The following ATRNL1 variants were observed in gnomAD, a reference collection of about 807,000 sequenced individuals.
ATRNL1 encodes the protein attractin-like protein 1.
Under a neutral mutation model 182.7 loss-of-function variants are expected in ATRNL1, and 95 were observed. The ratio of observed to expected loss-of-function variants is 0.52; its 90% confidence interval spans 0.44 to 0.62. The LOEUF (loss-of-function observed/expected upper bound fraction) is 0.62. Ranked by LOEUF, ATRNL1 falls within the 20% of genes least tolerant of loss-of-function variation. The probability of loss-of-function intolerance (pLI) is 0.00; values close to 1 mark genes in which losing one functional copy is unlikely to be tolerated. For missense variants in ATRNL1, 1,471 were observed against 1,679.5 expected (o/e 0.88, Z 2.17); for synonymous variants, 576 against 568.3 (o/e 1.01, Z -0.19).
intron 27 of ATRNL1, among the ~76,000 whole-genome samples, chr10:115,754,382 TC>T (rs1948529081): frequency 1.3e-5 from 2 of 152,212 alleles, no homozygotes; most frequent in African/African-American, 4.8e-5. Flanking sequence ...GTTTCAGCTT[TC>T]TGCATATGGC....
chr10:115,131,978 C>T (rs373410674), intron 5 of ATRNL1, among the ~76,000 whole-genome samples: 12 of 151,950 alleles, frequency 7.9e-5, no homozygotes, highest in Non-Finnish European at 1.2e-4. Flanking sequence ...ATGTGCACAA[C>T]GTGCAGGTTT....
At chr10:115,569,798 G>A (rs1327703481) in intron 26 of ATRNL1, among the ~76,000 whole-genome samples, 1 of 147,090 alleles carries the variant, frequency 6.8e-6, no homozygotes, top group Non-Finnish European at 1.5e-5. Context: ...TTTTAACAAT[G>A]TATTACTCTG....
intron 27 of ATRNL1, among the ~76,000 whole-genome samples, chr10:115,773,948 A>G (rs1949057068): frequency 6.6e-6 from 1 of 152,130 alleles, no homozygotes; most frequent in South Asian, 2.1e-4. Context: ...GAGGTTACAC[A>G]TTATCATTTC....
chr10:115,797,694 T>A (rs1555083330), intron 27 of ATRNL1, among the ~76,000 whole-genome samples: 1 of 152,102 alleles, frequency 6.6e-6, no homozygotes. Context: ...AAAGTGGGGT[T>A]TGGAGTACTC....
At chr10:115,727,744 G>A (rs1218781439) in intron 27 of ATRNL1, among the ~76,000 whole-genome samples, 4 of 152,160 alleles carry the variant, frequency 2.6e-5, no homozygotes, top group Non-Finnish European at 5.9e-5. Flanking sequence ...GAAAAGGTAC[G>A]AGTGGAGATG....
chr10:115,246,998 C>A (rs1850673503), intron 10 of ATRNL1, among the ~76,000 whole-genome samples: 1 of 152,112 alleles, frequency 6.6e-6, no homozygotes, highest in Admixed American at 6.6e-5. Flanking sequence ...AGTTGACATT[C>A]ATTTGCAGCA....
At chr10:115,417,899 C>T (rs781815862) in intron 20 of ATRNL1, among the ~76,000 whole-genome samples, 7 of 152,180 alleles carry the variant, frequency 4.6e-5, no homozygotes, top group Non-Finnish European at 1.0e-4. Flanking sequence ...GAGAACACAA[C>T]AGTCAGTCCC....
chr10:115,916,604 T>C (rs1025944248), intron 28 of ATRNL1, among the ~76,000 whole-genome samples: 2 of 152,248 alleles, frequency 1.3e-5, no homozygotes, highest in Non-Finnish European at 2.9e-5. Context: ...GCACATCCTA[T>C]TTTTGTACTC....
intron 27 of ATRNL1, among the ~76,000 whole-genome samples, chr10:115,800,232 A>G (rs999675339): frequency 1.2e-4 from 19 of 152,142 alleles, no homozygotes; most frequent in East Asian, 1.2e-3. Flanking sequence ...AAAAAAAAAA[A>G]AAGAAGAAGA....
intron 26 of ATRNL1, among the ~76,000 whole-genome samples, chr10:115,711,569 A>G (rs755246389): frequency 5.9e-5 from 9 of 152,186 alleles, no homozygotes; most frequent in Non-Finnish European, 1.2e-4. Flanking sequence ...CCTGTGGTCA[A>G]CTATGTGAGG....
At chr10:115,154,376 T>G (rs1156511343) in intron 5 of ATRNL1, among the ~76,000 whole-genome samples, 3 of 152,146 alleles carry the variant, frequency 2.0e-5, no homozygotes, top group Non-Finnish European at 4.4e-5. Context: ...AGGACATGCT[T>G]TATGAATCTG....
intron 26 of ATRNL1, among the ~76,000 whole-genome samples, chr10:115,554,644 G>T (rs1554996569): frequency 1.3e-5 from 2 of 151,396 alleles, no homozygotes. Flanking sequence ...CACGTGCAAA[G>T]TTCTTAGGGG....
chr10:115,694,516 A>G (rs1344314723), intron 26 of ATRNL1, among the ~76,000 whole-genome samples: 1 of 151,284 alleles, frequency 6.6e-6, no homozygotes, highest in Non-Finnish European at 1.5e-5. Flanking sequence ...TATGCAAAGC[A>G]TGACTTTTGA....
chr10:115,340,684 T>C lies in ATRNL1; in HGVS notation c.3175+6265T>C, dbSNP rs191163941. The stretch of plus-strand genomic sequence containing the variant: ...GGCTTTTCTTTATTGGGAAACTTTT[T>C]ATTATACCTTCAATAACATTACTTG... On this transcript the variant is annotated intron_variant, in intron 19 of 28. Transcript: ENST00000355044. 3.3e-5 allele frequency among the ~76,000 whole-genome samples: 5 copies of C among 151,950 alleles called. No individual in the cohort carries two copies. In the East Asian group the frequency reaches 9.7e-4, roughly 29 times the overall value.
chr10:115,209,673 T>C (rs979568750), intron 8 of ATRNL1, among the ~76,000 whole-genome samples: 8 of 151,674 alleles, frequency 5.3e-5, no homozygotes, highest in South Asian at 2.1e-4. Flanking sequence ...CACTACCAAA[T>C]TGAAAAAAAA....
chr10:115,106,232 C>T (rs1461062338), intron 1 of ATRNL1, among the ~76,000 whole-genome samples: 1 of 152,168 alleles, frequency 6.6e-6, no homozygotes, highest in Non-Finnish European at 1.5e-5. Context: ...TTCGGACTTG[C>T]ATAGGCCCTG....
intron 28 of ATRNL1, among the ~76,000 whole-genome samples, chr10:115,856,150 C>T (rs1248823062): frequency 6.6e-6 from 1 of 151,902 alleles, no homozygotes; most frequent in Non-Finnish European, 1.5e-5. Context: ...TTTGGAAGAC[C>T]AGGCACGGTA....
At chr10:115,489,326 G>A (rs2134648135) in intron 24 of ATRNL1, among the ~76,000 whole-genome samples, 1 of 152,274 alleles carries the variant, frequency 6.6e-6, no homozygotes, top group Admixed American at 6.5e-5. Flanking sequence ...ACAGTGGGGT[G>A]TTAAAGTCTC....
intron 24 of ATRNL1, among the ~76,000 whole-genome samples, chr10:115,508,592 T>C (rs564014318): frequency 6.6e-6 from 1 of 152,146 alleles, no homozygotes; most frequent in East Asian, 1.9e-4. Context: ...GCCTTTTTAA[T>C]GATATGGAGA....
Sources: gnomAD v4.1 joint callset for allele counts (sites outside exome capture counted in the v4.1 genomes callset) on GRCh38, gnomAD v4.1.1 for gene constraint, MANE v1.5 for transcripts, NCBI Gene and HGNC (gene_info 2026-07-23, HGNC 2026-07-21) for gene names.